The following ADGRG2 variants were observed in gnomAD, a reference collection of about 807,000 sequenced individuals.
ADGRG2 encodes adhesion G protein-coupled receptor G2, also known as G protein-coupled receptor 64.
ADGRG2 carries 26 observed loss-of-function variants against 74.1 expected under a neutral mutation model. The observed-to-expected ratio is 0.35, with a 90% confidence interval of 0.26 to 0.49. ADGRG2 has a LOEUF of 0.49. ADGRG2 is among the 20% of genes least tolerant of loss of function. ADGRG2 has a pLI of 0.99. For missense variants in ADGRG2, 619 were observed against 763.1 expected (o/e 0.81, Z 2.22); for synonymous variants, 296 against 295.2 (o/e 1.00, Z -0.03).
chrX:19,008,313 C>T (rs766525152), intron 18 of ADGRG2, among the ~76,000 whole-genome samples, 190 bp from the exon 19 acceptor site: 174 of 111,463 alleles, frequency 1.6e-3, no homozygotes, highest in Middle Eastern at 4.6e-3. Flanking sequence ...ACCTGACCTG[C>T]GGCATCTCTA....
chrX:19,042,278 TG>T (rs1018410086), intron 3 of ADGRG2, among the ~76,000 whole-genome samples: 2 of 111,408 alleles, frequency 1.8e-5, no homozygotes, highest in Admixed American at 1.9e-4. Context: ...ACATTCAATA[TG>T]GACTACCCTC....
chrX:19,048,520 G>A (rs981090070), intron 3 of ADGRG2, among the ~76,000 whole-genome samples: 5 of 111,896 alleles, frequency 4.5e-5, no homozygotes, highest in African/African-American at 1.6e-4. Context: ...ACACCAGGCC[G>A]CTTCTCATCT....
intron 9 of ADGRG2, 43 bp from the exon 10 acceptor site, chrX:19,028,281 T>C (rs2060747831): frequency 1.6e-6 from 1 of 624,562 alleles, no homozygotes; most frequent in South Asian, 2.7e-5. Context: ...CTTGTATCCT[T>C]ATAGCTTGAG....
chrX:19,043,135 G>T (rs1042075506), intron 3 of ADGRG2, among the ~76,000 whole-genome samples: 1 of 111,761 alleles, frequency 8.9e-6, no homozygotes, highest in Non-Finnish European at 1.9e-5. Context: ...TAAAGCTAGA[G>T]ATTTTTAAAT....
At chrX:19,099,964 G>A (rs182023287) in intron 1 of ADGRG2, among the ~76,000 whole-genome samples, 1 of 111,664 alleles carries the variant, frequency 9.0e-6, no homozygotes, top group East Asian at 2.8e-4. Context: ...GAGCCCAGGA[G>A]GTTGAGGCTG....
chrX:18,991,309 C>T (rs1271453671), intron 28 of ADGRG2, among the ~76,000 whole-genome samples: 1 of 110,651 alleles, frequency 9.0e-6, no homozygotes, highest in Non-Finnish European at 1.9e-5. Flanking sequence ...ATGAAACAGT[C>T]AAAATCTGAA....
At chrX:19,054,615 G>C (rs2061379986) in intron 3 of ADGRG2, among the ~76,000 whole-genome samples, 1 of 112,279 alleles carries the variant, frequency 8.9e-6, no homozygotes, top group Non-Finnish European at 1.9e-5. Flanking sequence ...ACAGAGCCTT[G>C]GGAGATGTTA....
chrX:19,043,270 C>T (rs1393149541), intron 3 of ADGRG2, among the ~76,000 whole-genome samples: 1 of 111,412 alleles, frequency 9.0e-6, no homozygotes, highest in Non-Finnish European at 1.9e-5. Context: ...CTGGTCCAAC[C>T]TAGAGGTATC....
At chrX:19,120,943 G>A (rs996434144) in intron 1 of ADGRG2, among the ~76,000 whole-genome samples, 4 of 112,416 alleles carry the variant, frequency 3.6e-5, no homozygotes, top group African/African-American at 1.3e-4. Flanking sequence ...CCAGCCAGTA[G>A]AGCTAATGCA....
At chrX:19,037,003 A>G (rs1333924617) in intron 6 of ADGRG2, among the ~76,000 whole-genome samples, 1 of 111,542 alleles carries the variant, frequency 9.0e-6, no homozygotes, top group Non-Finnish European at 1.9e-5. Flanking sequence ...TTTCTCTAGC[A>G]TGATAGGGAA....
At chrX:19,084,241 A>T (rs1274125579) in intron 1 of ADGRG2, among the ~76,000 whole-genome samples, 1 of 109,401 alleles carries the variant, frequency 9.1e-6, no homozygotes, top group Non-Finnish European at 1.9e-5. Context: ...TTATAAGTGG[A>T]AGGTGACACA....
intron 7 of ADGRG2, 167 bp from the exon 8 acceptor site, chrX:19,033,821 CG>C (rs2060877785): frequency 2.9e-6 from 1 of 349,205 alleles, no homozygotes; most frequent in African/African-American, 2.7e-5. Context: ...ACCGCATCCA[CG>C]GATCATGTAG....
chrX:19,009,173 C>A (rs1437771116), intron 18 of ADGRG2, among the ~76,000 whole-genome samples: 1 of 109,392 alleles, frequency 9.1e-6, no homozygotes, highest in African/African-American at 3.3e-5. Context: ...CCAGCCAAGA[C>A]CAACGTCTTT....
At chrX:19,065,261 C>CAAAAAAAAAAAAAAAAAAAA (rs749063279) in intron 3 of ADGRG2, among the ~76,000 whole-genome samples, 2 of 11,118 alleles carry the variant, frequency 1.8e-4, no homozygotes, top group Admixed American at 1.0e-3. Flanking sequence ...GATCCTGTCT[C>CAAAAAAAAAAAAAAAAAAAA]AAAAAAAAAA....
chrX:19,095,355 C>T (rs1480676996), intron 1 of ADGRG2, among the ~76,000 whole-genome samples: 3 of 111,389 alleles, frequency 2.7e-5, no homozygotes, highest in African/African-American at 9.8e-5. Context: ...TGAGGTGCCC[C>T]GGGCCTGCCT....
rs893681755 is a variant in ADGRG2, at chrX:19,003,951, T to C, written c.1961+807A>G. ...CATGTTCATGTTTATGCATGCAAAA[T>C]TAGATCCGATGAAATCATTCTGAGT... On this transcript the variant is annotated intron_variant, in intron 23 of 28. Transcript: ENST00000379869. Among the ~76,000 whole-genome samples the C allele has an allele frequency of 7.1e-5, 8 of 112,215 alleles. No homozygotes were observed. In the Admixed American group the frequency reaches 7.6e-4, roughly 11 times the overall value.
chrX:19,062,293 G>T (rs2061500245), intron 3 of ADGRG2, among the ~76,000 whole-genome samples: 1 of 112,084 alleles, frequency 8.9e-6, no homozygotes, highest in Non-Finnish European at 1.9e-5. Context: ...CTGACACACA[G>T]GGCCCATAAG....
At chrX:19,089,422 TAC>T (rs1569137770) in intron 1 of ADGRG2, among the ~76,000 whole-genome samples, 8 of 111,857 alleles carry the variant, frequency 7.2e-5, no homozygotes, top group Non-Finnish European at 1.9e-5. Context: ...TGCACATGTA[TAC>T]TTGAACTTAA....
At chrX:18,993,534 A>C in intron 28 of ADGRG2, among the ~76,000 whole-genome samples, 1 of 107,450 alleles carries the variant, frequency 9.3e-6, no homozygotes, top group Non-Finnish European at 1.9e-5. Flanking sequence ...AAAAAAAATT[A>C]GCCAGCCATG....
Sources: allele counts gnomAD v4.1 joint callset (sites outside exome capture counted in the v4.1 genomes callset), GRCh38; gene constraint gnomAD v4.1.1; transcripts MANE v1.5; gene names NCBI Gene and HGNC (gene_info 2026-07-23, HGNC 2026-07-21).